TRAPPC11: variants seen among roughly 807,000 people sequenced by gnomAD.
TRAPPC11 encodes the protein foie gras homolog.
Under a neutral mutation model 151.2 loss-of-function variants are expected in TRAPPC11, and 104 were observed. The observed-to-expected ratio is 0.69, with a 90% CI of 0.59 to 0.81. TRAPPC11 has a LOEUF of 0.81. TRAPPC11 is among the 30% of genes least tolerant of loss of function. The probability of loss-of-function intolerance (pLI) is 0.00; values close to 1 mark genes in which losing one functional copy is unlikely to be tolerated. For synonymous variants in TRAPPC11, 456 were observed against 472.3 expected (o/e 0.97, Z 0.45); for missense variants, 1,230 against 1,349.6 (o/e 0.91, Z 1.39).
At chr4:183,669,052 G>A (rs1365357776) in intron 5 of TRAPPC11, among the ~76,000 whole-genome samples, 1 of 152,130 alleles carries the variant, frequency 6.6e-6, no homozygotes, top group Non-Finnish European at 1.5e-5. Flanking sequence ...AGGCTTCTAA[G>A]AAAGAGAAGC....
At position 183,683,963 on chromosome 4, in the gene TRAPPC11, C is replaced by T. The variant is rs1390101812; in HGVS notation, c.1208-12C>T. On this transcript the variant is annotated splice_polypyrimidine_tract_variant and intron_variant, in intron 11 of 29. Coordinates refer to ENST00000334690, the MANE Select transcript of TRAPPC11 (RefSeq NM_021942.6). ...GAGCTGTCTAAAATGAGTTGTGTCT[C>T]ATCTTACGCAGGTTTTGATCTTTCT... The T allele has an allele frequency of 6.2e-7, 1 of 1,611,768 alleles. No individual in the cohort carries two copies. The highest frequency in any genetic ancestry group is 1.3e-5 in the African/African-American group (1 of 74,998).
intron 28 of TRAPPC11, among the ~76,000 whole-genome samples, chr4:183,708,102 A>G (rs1469210561): frequency 1.3e-5 from 2 of 152,250 alleles, no homozygotes; most frequent in East Asian, 3.8e-4. Context: ...GCTAAGGCAG[A>G]GAAAAGATTC....
In TRAPPC11 at chr4:183,697,721, T is replaced by C. The variant is rs761764394; in HGVS notation, c.2737T>C (p.Leu913=). ...ERVYADIPFL[L]MTDLLSASPW... ...GGTTTATGCTGACATCCCCTTTCTG[T>C]TGATGACGGACCTCTTAAGTGCCTC... is the stretch of plus-strand genomic sequence containing the variant. The change falls in exon 25 of 30, where the codon TTG becomes CTG. Residue 913 remains leucine, a synonymous_variant. Transcript: ENST00000334690. 4.3e-6 allele frequency: 7 copies of C among 1,614,224 alleles called. No individual in the cohort carries two copies. Among genetic ancestry groups the C allele is most frequent in the Non-Finnish European group, 5.9e-6 (7 of 1,180,042 alleles).
chr4:183,708,494 C>G lies in TRAPPC11; in HGVS notation c.3277C>G (p.Leu1093Val). Residue 1093 changes from leucine to valine, a missense_variant, in exon 29 of 30, where the codon CTC becomes GTC. Leu to Val is a conservative substitution (Grantham distance 32). Coordinates refer to ENST00000334690, the MANE Select transcript of TRAPPC11 (RefSeq NM_021942.6). ...GGCTGGATACCAGCAGCTGCCATCT[C>G]TCAACATCAACTTGCTTAGATTTCC... is the stretch of plus-strand genomic sequence containing the variant. ...LMAGYQQLPS[L>V]NINLLRFPNF... 2 of 1,614,146 alleles carry G rather than the reference C, an allele frequency of 1.2e-6. No homozygotes were observed. The highest frequency in any genetic ancestry group is 1.7e-6 in the Non-Finnish European group (2 of 1,179,992).
chr4:183,675,204 G>A lies in TRAPPC11; in HGVS notation c.701G>A (p.Ser234Asn), dbSNP rs1735354186. ...CATCAGTTCAAAATAGCTTTCTTCA[G>A]TGAGTTGAAACAAGATACACAAAAT... is the stretch of plus-strand genomic sequence containing the variant. Reference protein sequence around the residue: ...VRHQFKIAFFSELKQDTQNAL... With the variant: ...VRHQFKIAFFNELKQDTQNAL... The change falls in exon 7 of 30, where the codon AGT becomes AAT. Residue 234 changes from serine to asparagine, a missense_variant. Physicochemically the swap from Ser to Asn is conservative, Grantham distance 46. Coordinates refer to ENST00000334690, the MANE Select transcript of TRAPPC11 (RefSeq NM_021942.6). 11 of 1,543,630 alleles carry A rather than the reference G, an allele frequency of 7.1e-6. No individual in the cohort carries two copies. The highest frequency in any genetic ancestry group is 1.9e-5 in the Admixed American group (1 of 52,000).
chr4:183,677,474 T>C lies in TRAPPC11; in HGVS notation c.751T>C (p.Tyr251His), dbSNP rs773950166. The stretch of plus-strand genomic sequence containing the variant: ...CTCATTTAGGAATTATAGGACCGCC[T>C]ATAATCTTGTACACGAATTGAGAGC... ...QNALKNYRTA[Y>H]NLVHELRAHE... The change falls in exon 8 of 30, where the codon TAT (tyrosine) becomes CAT (histidine). Residue 251 changes from tyrosine to histidine, a missense_variant. Physicochemically the swap from Tyr to His is moderately conservative, Grantham distance 83. Coordinates refer to ENST00000334690, the MANE Select transcript of TRAPPC11 (RefSeq NM_021942.6). The C allele has an allele frequency of 1.9e-6, 3 of 1,605,880 alleles. No homozygotes were observed. In the Admixed American group the frequency reaches 5.0e-5, roughly 27 times the overall value.
At chr4:183,664,124 G>C in intron 2 of TRAPPC11, 53 bp downstream of exon 2, 2 of 1,468,952 alleles carry the variant, frequency 1.4e-6, no homozygotes, top group Non-Finnish European at 1.9e-6. Flanking sequence ...CTATGTGTGT[G>C]TGTGTGTCTT....
Position 183,692,947 on chromosome 4 carries a change from T to G in TRAPPC11, c.2050-13T>G. The G allele has an allele frequency of 1.3e-6, 2 of 1,587,612 alleles. No individual in the cohort carries two copies. Among genetic ancestry groups the G allele is most frequent in the Non-Finnish European group, 1.7e-6 (2 of 1,166,298 alleles). Reference sequence around the variant, plus strand: ...TGAGATGACATTTCCAACATCCTTTTTTTTCTTTTTAGATTACTTCAGTGG... The same window carrying G: ...TGAGATGACATTTCCAACATCCTTTGTTTTCTTTTTAGATTACTTCAGTGG... On this transcript the variant is annotated splice_polypyrimidine_tract_variant and intron_variant, in intron 19 of 29. Transcript: ENST00000334690.
rs554771345 is a variant in TRAPPC11, at chr4:183,697,733, C to G, written c.2749C>G (p.Leu917Val). Residue 917 changes from leucine (L) to valine (V), a missense_variant, in exon 25 of 30, where the codon CTC becomes GTC. Coordinates refer to ENST00000334690, the MANE Select transcript of TRAPPC11 (RefSeq NM_021942.6). ...CATCCCCTTTCTGTTGATGACGGAC[C>G]TCTTAAGTGCCTCACCCTGGGCCCT... Reference protein sequence around the residue: ...ADIPFLLMTDLLSASPWALTI... With the variant: ...ADIPFLLMTDVLSASPWALTI... The G allele has an allele frequency of 1.9e-6, 3 of 1,614,158 alleles. No individual in the cohort carries two copies. Among genetic ancestry groups the G allele is most frequent in the Non-Finnish European group, 2.5e-6 (3 of 1,180,042 alleles).
At chr4:183,661,080 A>G (rs1734486866) in intron 1 of TRAPPC11, among the ~76,000 whole-genome samples, 1 of 152,040 alleles carries the variant, frequency 6.6e-6, no homozygotes, top group Non-Finnish European at 1.5e-5. Context: ...CTGAACATGC[A>G]ATCCTTTGCC....
Position 183,701,684 on chromosome 4 carries a change from CT to C in TRAPPC11, c.2852-9del, listed in dbSNP as rs769185153. ...AACCATTGCATAAGGAATATAAAGACTTTTCCCTGTAGTTATCTTACAGACT... is the reference window on the plus strand; with the variant it reads ...AACCATTGCATAAGGAATATAAAGACTTTCCCTGTAGTTATCTTACAGACT... On this transcript the variant is annotated splice_polypyrimidine_tract_variant and intron_variant, in intron 25 of 29. Transcript: ENST00000334690. The C allele has an allele frequency of 6.3e-7, 1 of 1,580,294 alleles. No individual in the cohort carries two copies. The highest frequency in any genetic ancestry group is 8.7e-7 in the Non-Finnish European group (1 of 1,149,270).
At chr4:183,695,984 C>T (rs191325546) in intron 23 of TRAPPC11, among the ~76,000 whole-genome samples, 2 of 152,252 alleles carry the variant, frequency 1.3e-5, no homozygotes, top group Admixed American at 6.5e-5. Context: ...CTTAAAGAGA[C>T]TGCATGAGTT....
intron 19 of TRAPPC11, among the ~76,000 whole-genome samples, 183 bp from the exon 20 acceptor site, chr4:183,692,777 C>T (rs184466760): frequency 2.6e-5 from 4 of 152,236 alleles, no homozygotes; most frequent in East Asian, 3.9e-4. Context: ...GAACCCAGAG[C>T]GCAGTTAGTC....
At chr4:183,661,779 T>TTTG (rs1734561439) in intron 1 of TRAPPC11, among the ~76,000 whole-genome samples, 2 of 142,300 alleles carry the variant, frequency 1.4e-5, no homozygotes, top group Non-Finnish European at 3.0e-5. Flanking sequence ...TTTTTTTTTT[T>TTTG]GTGGCACAAT....
chr4:183,704,513 T>C lies in TRAPPC11; in HGVS notation c.2964-466T>C, dbSNP rs904923825. 2.6e-4 allele frequency among the ~76,000 whole-genome samples: 32 copies of C among 124,158 alleles called. 1 individual carries two copies. Among genetic ancestry groups the C allele is most frequent in the African/African-American group, 9.8e-4 (30 of 30,632 alleles). The allele number at this position is 124,158 out of a possible 152,430, so 81.5% of individuals were successfully genotyped here. On this transcript the variant is annotated intron_variant, in intron 26 of 29. Transcript: ENST00000334690. ...CCCAGCCTGGGTGAGAGAGTGAGAC[T>C]GTCTCAAAAAAAAAAAAAAAAAAAT...
At chr4:183,694,449 A>G (rs1736426472) in intron 22 of TRAPPC11, among the ~76,000 whole-genome samples, 155 bp from the exon 23 acceptor site, 1 of 152,244 alleles carries the variant, frequency 6.6e-6, no homozygotes, top group Non-Finnish European at 1.5e-5. Context: ...CAGTGGGAGC[A>G]TTGATGAGTT....
intron 29 of TRAPPC11, among the ~76,000 whole-genome samples, chr4:183,712,096 T>C (rs1737364794): frequency 6.6e-6 from 1 of 152,216 alleles, no homozygotes; most frequent in African/African-American, 2.4e-5. Context: ...AGACACTTTT[T>C]CTCAAACAGG....
At chr4:183,662,324 CCAG>C (rs1734593705) in intron 1 of TRAPPC11, among the ~76,000 whole-genome samples, 1 of 144,028 alleles carries the variant, frequency 6.9e-6, no homozygotes, top group Non-Finnish European at 1.5e-5. Flanking sequence ...CCAGTGCACT[CCAG>C]CCTGGTGACA....
Position 183,685,308 on chromosome 4 carries a change from T to C in TRAPPC11, c.1667T>C (p.Leu556Ser). The C allele has an allele frequency of 6.2e-7, 1 of 1,614,142 alleles. No homozygotes were observed. Among genetic ancestry groups the C allele is most frequent in the Admixed American group, 1.7e-5 (1 of 60,020 alleles). The change falls in exon 17 of 30, where the codon TTA (leucine) becomes TCA (serine). Residue 556 changes from leucine to serine, a missense_variant. Leu to Ser is a moderately radical substitution (Grantham distance 145). Transcript: ENST00000334690. ...SPDPEPDCDI[L>S]AVKTAQKLWA... Reference sequence around the variant, plus strand: ...GATCCAGAACCCGACTGTGATATCTTAGCTGTGAAAACTGCTCAGAAGCTG... The same window carrying C: ...GATCCAGAACCCGACTGTGATATCTCAGCTGTGAAAACTGCTCAGAAGCTG...
Sources: allele counts gnomAD v4.1 joint callset (sites outside exome capture counted in the v4.1 genomes callset), GRCh38; gene constraint gnomAD v4.1.1; transcripts MANE v1.5; gene names NCBI Gene and HGNC (gene_info 2026-07-23, HGNC 2026-07-21).